Variants in ATG4C observed in about 807,000 individuals in gnomAD.
ATG4C encodes autophagy related 4C cysteine peptidase, also known as cysteine protease ATG4C.
In ATG4C, 56 loss-of-function variants were observed where a neutral mutation model predicts 57.6. The observed-to-expected ratio is 0.97, with a 90% CI of 0.78 to 1.21. The LOEUF (loss-of-function observed/expected upper bound fraction) is 1.21. ATG4C is among the 50% of genes most tolerant of loss of function. ATG4C has a pLI of 0.00. For missense variants in ATG4C, 595 were observed against 529.8 expected (o/e 1.12, Z -1.21); for synonymous variants, 157 against 174.1 (o/e 0.90, Z 0.78).
At chr1:62,798,893 T>C (rs1042884151) in intron 1 of ATG4C, among the ~76,000 whole-genome samples, 19 of 152,204 alleles carry the variant, frequency 1.2e-4, no homozygotes, top group Admixed American at 9.8e-4. Context: ...TCCACCCACC[T>C]TGGCCTCCTA....
intron 9 of ATG4C, among the ~76,000 whole-genome samples, chr1:62,837,625 T>G (rs915481182): frequency 2.6e-5 from 4 of 152,206 alleles, no homozygotes; most frequent in Admixed American, 2.6e-4. Context: ...GTTCATACAG[T>G]GGTAACTGTT....
In ATG4C at chr1:62,844,514, A is replaced by G. The variant is rs529664853; in HGVS notation, c.1209+2967A>G. On this transcript the variant is annotated intron_variant, in intron 10 of 10. Transcript: ENST00000317868. The stretch of plus-strand genomic sequence containing the variant: ...GTCTAGAAAAGTAGATTAGAATAAT[A>G]CTATGGAGAGTCTTGAATTAAAGCT... Among the ~76,000 whole-genome samples, 35 of 152,298 alleles carry G rather than the reference A, an allele frequency of 2.3e-4. No homozygotes were observed. The South Asian group carries it at 4.8e-3, about 21-fold the overall frequency.
chr1:62,835,291 T>C, intron 9 of ATG4C: 1 of 262,912 alleles, frequency 3.8e-6, no homozygotes, highest in Non-Finnish European at 7.9e-6. Context: ...AGTAATTAAA[T>C]CTTAGCCTTT....
At chr1:62,843,530 TTAAAA>T (rs1422025683) in intron 10 of ATG4C, among the ~76,000 whole-genome samples, 1 of 152,188 alleles carries the variant, frequency 6.6e-6, no homozygotes, top group Non-Finnish European at 1.5e-5. Context: ...TTAAAATAAC[TTAAAA>T]TTATTTGTTT....
At chr1:62,851,475 A>C (rs1230827881) in intron 10 of ATG4C, among the ~76,000 whole-genome samples, 1 of 152,184 alleles carries the variant, frequency 6.6e-6, no homozygotes, top group East Asian at 1.9e-4. Flanking sequence ...TTCCCTTAAC[A>C]TCATTGATAG....
chr1:62,853,493 C>T (rs1051276551), intron 10 of ATG4C, among the ~76,000 whole-genome samples: 1 of 152,236 alleles, frequency 6.6e-6, no homozygotes, highest in African/African-American at 2.4e-5. Flanking sequence ...GTTGCCCAGG[C>T]TGGAGTGCAG....
chr1:62,857,246 C>T (rs924777334), intron 10 of ATG4C, among the ~76,000 whole-genome samples: 1 of 152,154 alleles, frequency 6.6e-6, no homozygotes, highest in Non-Finnish European at 1.5e-5. Flanking sequence ...CATCACTACT[C>T]GCATTACCAC....
chr1:62,838,016 A>G (rs888311596), intron 9 of ATG4C, among the ~76,000 whole-genome samples: 1 of 152,204 alleles, frequency 6.6e-6, no homozygotes, highest in Non-Finnish European at 1.5e-5. Context: ...AGGAAGCTTC[A>G]TCTGAATCAC....
In ATG4C at chr1:62,834,766, G is replaced by T; in HGVS notation, c.1013-10G>T. ...TTTTGAATTACTTGTCTTCTGTTTT[G>T]TCCTTGTAGATGACAGTTTGATTTA... On this transcript the variant is annotated splice_polypyrimidine_tract_variant and intron_variant, in intron 8 of 10. Coordinates refer to ENST00000317868, the MANE Select transcript of ATG4C (RefSeq NM_032852.4). 6.2e-7 allele frequency: 1 copy of T among 1,606,630 alleles called. No homozygotes were observed. The highest frequency in any genetic ancestry group is 8.5e-7 in the Non-Finnish European group (1 of 1,174,260).
chr1:62,822,696 C>CT (rs1404292242), intron 6 of ATG4C, among the ~76,000 whole-genome samples: 4 of 152,336 alleles, frequency 2.6e-5, no homozygotes, highest in Admixed American at 1.3e-4. Context: ...AGACCAGACT[C>CT]TATCAGTGAT....
Position 62,864,455 on chromosome 1 carries a change from T to A in ATG4C, c.*296T>A. ...CTTTTAGTCTTCAAAGTCTTCCACC[T>A]GAGCCCATTGTTCTCATGGAGGTTT... On this transcript the variant is annotated 3_prime_UTR_variant, in exon 11 of 11. Transcript: ENST00000317868. The A allele has an allele frequency of 4.1e-6, 1 of 242,990 alleles. No individual in the cohort carries two copies. The highest frequency in any genetic ancestry group is 7.9e-6 in the Non-Finnish European group (1 of 126,710). The allele number at this position is 242,990 out of a possible 1,614,324, so 15.1% of individuals were successfully genotyped here.
chr1:62,809,492 A>G (rs1408106448), intron 3 of ATG4C, among the ~76,000 whole-genome samples: 2 of 147,560 alleles, frequency 1.4e-5, no homozygotes, highest in Non-Finnish European at 3.0e-5. Context: ...TATATAGTGT[A>G]TATAATATAT....
intron 4 of ATG4C, among the ~76,000 whole-genome samples, chr1:62,818,002 T>A (rs949357337): frequency 6.6e-6 from 1 of 152,126 alleles, no homozygotes; most frequent in African/African-American, 2.4e-5. Flanking sequence ...GGATGATTTA[T>A]TTATAGTCTT....
At chr1:62,853,231 T>C (rs1226473745) in intron 10 of ATG4C, among the ~76,000 whole-genome samples, 1 of 152,180 alleles carries the variant, frequency 6.6e-6, no homozygotes, top group East Asian at 1.9e-4. Context: ...AAATGAAATT[T>C]TTTTTTTCTC....
In ATG4C at chr1:62,864,662, T is replaced by C. The variant is rs1204582425; in HGVS notation, c.*503T>C. Reference sequence around the variant, plus strand: ...ATTAAATAGTATTTGTTAACTGTGATATGCATACACTTATATAAGCAGAAT... The same window carrying C: ...ATTAAATAGTATTTGTTAACTGTGACATGCATACACTTATATAAGCAGAAT... On this transcript the variant is annotated 3_prime_UTR_variant, in exon 11 of 11. Coordinates refer to ENST00000317868, the MANE Select transcript of ATG4C (RefSeq NM_032852.4). 1 of 153,710 alleles carries C rather than the reference T, an allele frequency of 6.5e-6. No homozygotes were observed. The highest frequency in any genetic ancestry group is 6.5e-5 in the Admixed American group (1 of 15,308). 9.5% of individuals were successfully genotyped at this position (153,710 alleles called of 1,614,324 possible).
chr1:62,821,794 G>T (rs1665491285), intron 6 of ATG4C, among the ~76,000 whole-genome samples: 1 of 151,916 alleles, frequency 6.6e-6, no homozygotes, highest in Non-Finnish European at 1.5e-5. Context: ...CTTGGGGATG[G>T]GACTGAAGTC....
In ATG4C at chr1:62,790,217, A is replaced by G. The variant is rs565233618; in HGVS notation, c.-69+5944A>G. Among the ~76,000 whole-genome samples, 14 of 152,310 alleles carry G rather than the reference A, an allele frequency of 9.2e-5. No homozygotes were observed. The South Asian group carries it at 2.7e-3, about 29-fold the overall frequency. On this transcript the variant is annotated intron_variant, in intron 1 of 10. Transcript: ENST00000317868. The stretch of plus-strand genomic sequence containing the variant: ...GCGTGAGCCACTGTACCCGGCCAAC[A>G]TATACATTTTTTAAGAAATCATGAG...
intron 10 of ATG4C, among the ~76,000 whole-genome samples, chr1:62,853,302 A>G (rs1666576575): frequency 6.6e-6 from 1 of 152,274 alleles, no homozygotes; most frequent in South Asian, 2.1e-4. Context: ...CTTTAGGTGC[A>G]TTGCTGCACT....
intron 10 of ATG4C, among the ~76,000 whole-genome samples, chr1:62,842,266 A>G (rs143342240): frequency 6.7e-6 from 1 of 150,182 alleles, no homozygotes; most frequent in East Asian, 2.0e-4. Flanking sequence ...CTATCATTTT[A>G]TGGTATGTAA....
Sources: allele counts gnomAD v4.1 joint callset (sites outside exome capture counted in the v4.1 genomes callset), GRCh38; gene constraint gnomAD v4.1.1; transcripts MANE v1.5; gene names NCBI Gene and HGNC (gene_info 2026-07-23, HGNC 2026-07-21).